The following CMTM7 variants were observed in gnomAD, a reference collection of about 807,000 sequenced individuals.
CMTM7 encodes the protein CKLF like MARVEL transmembrane domain containing 7, also known as CKLF-like MARVEL transmembrane domain-containing protein 7.
A neutral mutation model predicts 19.3 loss-of-function variants in CMTM7; 7 were observed. The observed-to-expected ratio is 0.36, with a 90% CI of 0.21 to 0.68. CMTM7 has a LOEUF of 0.68. Among genes scored for constraint, CMTM7 ranks in the 30% least tolerant of loss-of-function variants. The pLI, the probability that CMTM7 is intolerant of heterozygous loss-of-function variation, is 0.60. For missense variants in CMTM7, 193 were observed against 232.6 expected (o/e 0.83, Z 1.11); for synonymous variants, 87 against 99.3 (o/e 0.88, Z 0.74).
chr3:32,392,625 C>T (rs1695856651), intron 1 of CMTM7, among the ~76,000 whole-genome samples: 1 of 152,222 alleles, frequency 6.6e-6, no homozygotes, highest in South Asian at 2.1e-4. Context: ...ACCGTTGAGA[C>T]GGCCGTCCTG....
chr3:32,394,951 C>T (rs919311237), intron 1 of CMTM7, among the ~76,000 whole-genome samples: 2 of 151,852 alleles, frequency 1.3e-5, no homozygotes, highest in Non-Finnish European at 2.9e-5. Flanking sequence ...CCGCCTCTGC[C>T]TCCCAAAGCG....
rs965085463 is a variant in CMTM7, at chr3:32,425,110, A to G, written c.160-16730A>G. ...TGTAAACAGCTCTGTGGTCTAGAGC[A>G]GGTGCCTCTCTGTGCCTCAGTGTCC... On this transcript the variant is annotated intron_variant, in intron 1 of 4. Coordinates refer to ENST00000334983, the MANE Select transcript of CMTM7 (RefSeq NM_138410.4). 2.8e-4 allele frequency among the ~76,000 whole-genome samples: 43 copies of G among 152,360 alleles called. 1 individual carries two copies. Among genetic ancestry groups the G allele is most frequent in the African/African-American group, 9.4e-4 (39 of 41,590 alleles).
intron 1 of CMTM7, among the ~76,000 whole-genome samples, chr3:32,436,981 A>T (rs138895258): frequency 2.6e-4 from 39 of 152,272 alleles, no homozygotes; most frequent in African/African-American, 8.2e-4. Flanking sequence ...AACCTGGGCA[A>T]ACTTTCTGGC....
At position 32,410,695 on chromosome 3, in the gene CMTM7, C is replaced by G. The variant is rs867720604; in HGVS notation, c.159+18630C>G. Among the ~76,000 whole-genome samples the G allele has an allele frequency of 5.1e-4, 77 of 152,014 alleles. 1 individual carries two copies. The highest frequency in any genetic ancestry group is 3.2e-3 in the Middle Eastern group (1 of 314). On this transcript the variant is annotated intron_variant, in intron 1 of 4. Transcript: ENST00000334983. ...CCTGGAGCAGCCCACTCCCACCCCC[C>G]ACAGTTTGCGATAGAGATGCAGTTT...
intron 1 of CMTM7, among the ~76,000 whole-genome samples, chr3:32,401,809 G>A (rs1490031758): frequency 6.6e-6 from 1 of 152,348 alleles, no homozygotes; most frequent in East Asian, 1.9e-4. Flanking sequence ...CGACTCCTGG[G>A]ATCGGCAGGG....
At position 32,429,601 on chromosome 3, in the gene CMTM7, A is replaced by T. The variant is rs374087562; in HGVS notation, c.160-12239A>T. Among the ~76,000 whole-genome samples the T allele has an allele frequency of 1.0e-3, 131 of 126,654 alleles. 1 individual carries two copies. The highest frequency in any genetic ancestry group is 3.5e-3 in the African/African-American group (117 of 33,318). 83.1% of individuals were successfully genotyped at this position (126,654 alleles called of 152,430 possible). On this transcript the variant is annotated intron_variant, in intron 1 of 4. Coordinates refer to ENST00000334983, the MANE Select transcript of CMTM7 (RefSeq NM_138410.4). Reference sequence around the variant, plus strand: ...CCATCACGGCTGGCTGGAGCAGTGTATTTTTTTTTTTTTTTTTGAGACGGA... The same window carrying T: ...CCATCACGGCTGGCTGGAGCAGTGTTTTTTTTTTTTTTTTTTTGAGACGGA...
intron 1 of CMTM7, among the ~76,000 whole-genome samples, chr3:32,401,988 A>G (rs1696014899): frequency 6.6e-6 from 1 of 152,340 alleles, no homozygotes; most frequent in African/African-American, 2.4e-5. Flanking sequence ...TGTTTAAATC[A>G]GCAAGGGCAG....
chr3:32,449,627 G>C lies in CMTM7; in HGVS notation c.432+75G>C. 4.3e-6 allele frequency: 5 copies of C among 1,161,338 alleles called. No individual in the cohort carries two copies. The highest frequency in any genetic ancestry group is 1.7e-5 in the Admixed American group (1 of 59,018). The allele number at this position is 1,161,338 out of a possible 1,614,324, so 71.9% of individuals were successfully genotyped here. A position where few individuals can be genotyped will look rare whatever the true frequency, so the allele number is the denominator to read the frequency against. On this transcript the variant is annotated intron_variant, in intron 3 of 4. Coordinates refer to ENST00000334983, the MANE Select transcript of CMTM7 (RefSeq NM_138410.4). The surrounding 1 kb of genome is among the most constrained non-coding windows in gnomAD (Gnocchi z 4.5). Reference sequence around the variant, plus strand: ...TCATTTTCTTCCTGATGGGGGAAGAGAAGGGCTTGGTTTCTGGGGCATTCC... The same window carrying C: ...TCATTTTCTTCCTGATGGGGGAAGACAAGGGCTTGGTTTCTGGGGCATTCC...
At chr3:32,426,515 T>C (rs1696435406) in intron 1 of CMTM7, among the ~76,000 whole-genome samples, 1 of 152,220 alleles carries the variant, frequency 6.6e-6, no homozygotes, top group Admixed American at 6.5e-5. Context: ...ATTTTGTCTG[T>C]AGTATTTTTC....
Position 32,449,525 on chromosome 3 carries a change from C to T in CMTM7, c.405C>T (p.Tyr135=), listed in dbSNP as rs778868737. 1.9e-6 allele frequency: 3 copies of T among 1,614,036 alleles called. No homozygotes were observed. Among genetic ancestry groups the T allele is most frequent in the Admixed American group, 3.3e-5 (2 of 60,022 alleles). ...CCATTGTGGCAGCTTCCAAGAGTTA[C>T]AACCAGAGCGGACTGGTAGCCGGAG... ...IASIVAASKS[Y]NQSGLVAGAI... Residue 135 remains tyrosine (Y), a synonymous_variant, in exon 3 of 5, where the codon TAC becomes TAT. Transcript: ENST00000334983. This position sits in a 1 kb window ranked among gnomAD's most constrained non-coding sequence, Gnocchi z 4.5.
chr3:32,446,712 G>A (rs1022496433), intron 2 of CMTM7, among the ~76,000 whole-genome samples: 10 of 152,152 alleles, frequency 6.6e-5, no homozygotes, highest in African/African-American at 2.4e-4. Context: ...GTGGTAATAA[G>A]TGAGTTCTTG....
chr3:32,444,739 TA>T (rs1349178909), intron 2 of CMTM7, among the ~76,000 whole-genome samples: 1 of 152,170 alleles, frequency 6.6e-6, no homozygotes, highest in African/African-American at 2.4e-5. Flanking sequence ...GTTTTCAGAG[TA>T]AAAGTGTTTT....
chr3:32,409,215 CAAAAACTT>C (rs958003176), intron 1 of CMTM7, among the ~76,000 whole-genome samples: 3 of 152,164 alleles, frequency 2.0e-5, no homozygotes, highest in African/African-American at 7.2e-5. Context: ...CCCAGGTTTA[CAAAAACTT>C]TTGAAGAACA....
At chr3:32,450,856 T>C (rs1696818938) in intron 3 of CMTM7, 2 of 152,220 alleles carry the variant, frequency 1.3e-5, no homozygotes, top group African/African-American at 4.8e-5. Flanking sequence ...ATTCATCATA[T>C]GCTGTCTGTG....
chr3:32,427,263 A>G (rs1192979394), intron 1 of CMTM7, among the ~76,000 whole-genome samples: 4 of 152,194 alleles, frequency 2.6e-5, no homozygotes, highest in African/African-American at 7.2e-5. Flanking sequence ...AGGAGGGACA[A>G]AGGTCTGGTC....
intron 1 of CMTM7, among the ~76,000 whole-genome samples, chr3:32,424,781 G>A (rs1182804038): frequency 1.3e-5 from 2 of 152,106 alleles, no homozygotes; most frequent in Non-Finnish European, 2.9e-5. Context: ...CGAGTAGCTG[G>A]ACCACAGGTG....
intron 1 of CMTM7, among the ~76,000 whole-genome samples, chr3:32,395,829 T>G (rs1695906475): frequency 6.6e-6 from 1 of 152,242 alleles, no homozygotes; most frequent in Non-Finnish European, 1.5e-5. Flanking sequence ...CATTCATATG[T>G]GTTCATAACA....
intron 1 of CMTM7, among the ~76,000 whole-genome samples, chr3:32,413,539 C>T (rs1696211528): frequency 1.3e-5 from 2 of 152,156 alleles, no homozygotes; most frequent in African/African-American, 2.4e-5. Flanking sequence ...CATTATAACT[C>T]CTCTAATAGC....
intron 2 of CMTM7, among the ~76,000 whole-genome samples, chr3:32,447,234 C>T (rs932847200): frequency 6.6e-5 from 10 of 152,084 alleles, no homozygotes; most frequent in African/African-American, 2.4e-4. Context: ...TTTCCCTCTG[C>T]TCTTGATTTC....
Sources: gnomAD v4.1 joint callset for allele counts (sites outside exome capture counted in the v4.1 genomes callset) on GRCh38, gnomAD v4.1.1 for gene constraint, Gnocchi (gnomAD v3.1) non-coding constraint, MANE v1.5 for transcripts, NCBI Gene and HGNC (gene_info 2026-07-23, HGNC 2026-07-21) for gene names.